ARHGEF10: variants seen among roughly 807,000 people sequenced by gnomAD.
ARHGEF10 encodes Rho guanine nucleotide exchange factor (GEF) 10.
ARHGEF10 carries 140 observed loss-of-function variants against 147.4 expected under a neutral mutation model. The observed-to-expected ratio is 0.95, with a 90% confidence interval of 0.83 to 1.09. ARHGEF10 has a LOEUF of 1.09. Among genes scored for constraint, ARHGEF10 ranks in the 50% least tolerant of loss-of-function variants. The probability of loss-of-function intolerance (pLI) is 0.00; values close to 1 mark genes in which losing one functional copy is unlikely to be tolerated. For missense variants in ARHGEF10, 2,222 were observed against 1,752.7 expected (o/e 1.27, Z -4.78); for synonymous variants, 902 against 695.8 (o/e 1.30, Z -4.67).
rs557658356 is a variant in ARHGEF10 at position 1,882,758 on chromosome 8, C to CTGCGGGTCTTCT, written c.1075+12_1075+13insGGGTCTTCTTGC. 2.2e-3 allele frequency: 3,236 copies of CTGCGGGTCTTCT among 1,456,362 alleles called. 33 individuals carry two copies. The East Asian group carries it at 0.03, about 13-fold the overall frequency. The allele number at this position is 1,456,362 out of a possible 1,614,324, so 90.2% of individuals were successfully genotyped here. ...GTCTCTCATCGCACAGGGTCCGTGCCTGCAGGTCTTCTTGCGGGGAGGACA... is the reference window on the plus strand; with the variant it reads ...GTCTCTCATCGCACAGGGTCCGTGCCTGCGGGTCTTCTTGCAGGTCTTCTTGCGGGGAGGACA... On this transcript the variant is annotated intron_variant, in intron 10 of 28. Coordinates refer to ENST00000349830, the MANE Select transcript of ARHGEF10 (RefSeq NM_014629.4).
intron 7 of ARHGEF10, among the ~76,000 whole-genome samples, chr8:1,872,394 G>C (rs1328432341): frequency 6.6e-6 from 1 of 152,218 alleles, no homozygotes; most frequent in Non-Finnish European, 1.5e-5. Flanking sequence ...CAGAAGCAAG[G>C]ATGAGGTGAG....
At chr8:1,942,904 A>T (rs1318629857) in intron 26 of ARHGEF10, among the ~76,000 whole-genome samples, 1 of 152,150 alleles carries the variant, frequency 6.6e-6, no homozygotes, top group Non-Finnish European at 1.5e-5. Flanking sequence ...CAGAACGTGG[A>T]TGGGATGAGT....
intron 11 of ARHGEF10, among the ~76,000 whole-genome samples, chr8:1,892,665 C>A (rs561867986): frequency 6.8e-6 from 1 of 146,592 alleles, no homozygotes; most frequent in Non-Finnish European, 1.5e-5. Context: ...TGCTTCCGTG[C>A]GCGCACGTGT....
At chr8:1,824,164 C>G (rs1802592974) in intron 1 of ARHGEF10, 51 bp downstream of exon 1, 2 of 152,236 alleles carry the variant, frequency 1.3e-5, no homozygotes, top group South Asian at 4.1e-4. Context: ...TTCTGGTTTC[C>G]TTTGAGAGTT....
intron 1 of ARHGEF10, among the ~76,000 whole-genome samples, chr8:1,840,655 C>G (rs10105611): frequency 6.8e-6 from 1 of 147,202 alleles, no homozygotes; most frequent in Non-Finnish European, 1.5e-5. Context: ...GGGGACTGTC[C>G]GGTGTGGGGA....
chr8:1,884,610 C>A (rs1287176651), intron 10 of ARHGEF10, among the ~76,000 whole-genome samples: 2 of 152,054 alleles, frequency 1.3e-5, no homozygotes, highest in East Asian at 3.9e-4. Context: ...TTTTAAAGCC[C>A]CTTAGATAGA....
chr8:1,896,280 A>C, intron 13 of ARHGEF10, 53 bp from the exon 14 acceptor site: 1 of 1,263,672 alleles, frequency 7.9e-7, no homozygotes, highest in Non-Finnish European at 1.2e-6. Flanking sequence ...TTATGTTGGA[A>C]AAGGGATATC....
At chr8:1,843,594 G>T (rs1438010536) in intron 2 of ARHGEF10, among the ~76,000 whole-genome samples, 158 bp downstream of exon 2, 2 of 152,210 alleles carry the variant, frequency 1.3e-5, no homozygotes, top group Non-Finnish European at 2.9e-5. Flanking sequence ...GAGCCTGGGT[G>T]CCCCCATCCT....
chr8:1,888,042 T>G, intron 11 of ARHGEF10, among the ~76,000 whole-genome samples: 1 of 125,694 alleles, frequency 8.0e-6, no homozygotes, highest in East Asian at 2.6e-4. Flanking sequence ...AGGGTGAGGG[T>G]TGTTAGGAGA....
intron 7 of ARHGEF10, chr8:1,870,578 T>C (rs1398644449): frequency 6.6e-6 from 1 of 152,112 alleles, no homozygotes; most frequent in Non-Finnish European, 1.5e-5. Context: ...AGAAATATAA[T>C]GCAAATTCTA....
chr8:1,940,021 G>A (rs1297776683), intron 26 of ARHGEF10, among the ~76,000 whole-genome samples: 3 of 152,180 alleles, frequency 2.0e-5, no homozygotes, highest in South Asian at 4.1e-4. Context: ...GCAACGTAAC[G>A]GGGTGCGAGA....
chr8:1,911,080 C>G (rs1449107821), intron 18 of ARHGEF10, among the ~76,000 whole-genome samples: 1 of 152,192 alleles, frequency 6.6e-6, no homozygotes, highest in Non-Finnish European at 1.5e-5. Context: ...CTGGATTTAA[C>G]TATGAGCTTC....
chr8:1,936,090 G>T (rs1360571335), intron 26 of ARHGEF10, among the ~76,000 whole-genome samples: 1 of 150,992 alleles, frequency 6.6e-6, no homozygotes, highest in Non-Finnish European at 1.5e-5. Context: ...CATATGTGGT[G>T]TTTATTATGA....
intron 11 of ARHGEF10, among the ~76,000 whole-genome samples, chr8:1,889,509 T>C (rs1355448808): frequency 2.0e-5 from 1 of 50,528 alleles, no homozygotes; most frequent in African/African-American, 1.1e-4. Flanking sequence ...GAGGAGACAC[T>C]GAGTGGGGTG....
intron 2 of ARHGEF10, 48 bp from the exon 3 acceptor site, chr8:1,857,912 A>ATCTG (rs1805693381): frequency 2.2e-6 from 3 of 1,382,842 alleles, no homozygotes; most frequent in Middle Eastern, 1.8e-4. Flanking sequence ...CTATCTATCT[A>ATCTG]TCTATCTATC....
chr8:1,830,811 A>C (rs1803053092), intron 1 of ARHGEF10, among the ~76,000 whole-genome samples: 1 of 152,204 alleles, frequency 6.6e-6, no homozygotes, highest in Non-Finnish European at 1.5e-5. Context: ...TGCGGAGAGG[A>C]GGGATTTGAA....
rs565441999 is a variant in ARHGEF10, at chr8:1,876,602, G to A, written c.711G>A (p.Gly237=). The stretch of plus-strand genomic sequence containing the variant: ...TGATTTATGATGATGTTGAGAATGG[G>A]GATGAAGGTGGAAACAGCTCCTTGG... ...DEMIYDDVEN[G]DEGGNSSLEY... is the part of the protein sequence containing the mutation. Residue 237 remains glycine, a synonymous_variant, in exon 8 of 29, where the codon GGG becomes GGA. Coordinates refer to ENST00000349830, the MANE Select transcript of ARHGEF10 (RefSeq NM_014629.4). 6 of 1,614,100 alleles carry A rather than the reference G, an allele frequency of 3.7e-6. No homozygotes were observed. The African/African-American group carries it at 8.0e-5, about 22-fold the overall frequency.
intron 28 of ARHGEF10, among the ~76,000 whole-genome samples, chr8:1,955,098 AGGATAGCCAGG>A (rs1815395879): frequency 2.8e-5 from 1 of 35,978 alleles, no homozygotes; most frequent in Non-Finnish European, 5.5e-5. Flanking sequence ...GTTCCTCTGG[AGGATAGCCAGG>A]TGCTCCCTGA....
In ARHGEF10 at chr8:1,909,376, C is replaced by A. The variant is rs763414158; in HGVS notation, c.2049C>A (p.Ile683=). The change falls in exon 18 of 29, where the codon ATC becomes ATA. Residue 683 remains isoleucine, a synonymous_variant. Transcript: ENST00000349830. The part of the protein sequence containing the change: ...WSVPLGHVDA[I]EYGSSAGTGE... ...TTCCACTGGGACATGTGGACGCCAT[C>A]GAGTATGGCAGCAGCGCAGGCACGG... The A allele has an allele frequency of 1.9e-6, 3 of 1,614,184 alleles. No homozygotes were observed. Among genetic ancestry groups the A allele is most frequent in the Non-Finnish European group, 2.5e-6 (3 of 1,180,042 alleles).
Sources: allele counts gnomAD v4.1 joint callset (sites outside exome capture counted in the v4.1 genomes callset), GRCh38; gene constraint gnomAD v4.1.1; transcripts MANE v1.5; gene names NCBI Gene and HGNC (gene_info 2026-07-23, HGNC 2026-07-21).